PTPRD: variants seen among roughly 807,000 people sequenced by gnomAD.
The protein encoded by PTPRD is receptor-type tyrosine-protein phosphatase delta.
Under a neutral mutation model 214.5 loss-of-function variants are expected in PTPRD, and 34 were observed. That is an observed-to-expected ratio of 0.16 (90% CI 0.12 to 0.21). The LOEUF is 0.21. Ranked by LOEUF, PTPRD falls within the 10% of genes least tolerant of loss-of-function variation. The pLI is 1.00. For synonymous variants in PTPRD, 1,128 were observed against 845.7 expected, an observed-to-expected ratio of 1.33 and a Z score of -5.79; for missense variants, 2,545 against 2,398.7, an observed-to-expected ratio of 1.06 and a Z score of -1.27.
intron 11 of PTPRD, chr9:8,860,221 C>A (rs1417049922): frequency 6.6e-6 from 1 of 152,226 alleles, no homozygotes; most frequent in African/African-American, 2.4e-5. Context: ...GCAGATCTGA[C>A]CTCATTTAAG....
intron 2 of PTPRD, among the ~76,000 whole-genome samples, chr9:10,568,372 G>A (rs1174620646): frequency 6.6e-6 from 1 of 151,950 alleles, no homozygotes; most frequent in Non-Finnish European, 1.5e-5. Flanking sequence ...ATCATTGTTG[G>A]ACATTTGGGT....
chr9:9,820,493 T>C (rs1234457732), intron 5 of PTPRD, among the ~76,000 whole-genome samples: 2 of 152,132 alleles, frequency 1.3e-5, no homozygotes, highest in South Asian at 2.1e-4. Context: ...TTTAATTAGG[T>C]TCCACTTGTC....
At chr9:10,445,862 AC>A (rs905388375) in intron 2 of PTPRD, among the ~76,000 whole-genome samples, 4 of 152,128 alleles carry the variant, frequency 2.6e-5, no homozygotes, top group African/African-American at 9.7e-5. Flanking sequence ...GCTAAAAAAA[AC>A]TAACAACAAC....
intron 12 of PTPRD, among the ~76,000 whole-genome samples, chr9:8,684,246 C>A (rs1205803734): frequency 2.0e-5 from 3 of 152,176 alleles, no homozygotes; most frequent in Non-Finnish European, 4.4e-5. Context: ...AAACCCAATT[C>A]TCTGCAAAAT....
chr9:10,604,526 T>C (rs973201426), intron 2 of PTPRD, among the ~76,000 whole-genome samples: 10 of 151,912 alleles, frequency 6.6e-5, no homozygotes, highest in African/African-American at 2.4e-4. Flanking sequence ...AATAAAGCAC[T>C]AGACTTAATC....
At chr9:8,728,174 G>C (rs12005542) in intron 12 of PTPRD, among the ~76,000 whole-genome samples, 12,888 of 152,096 alleles carry the variant, frequency 0.085, 1,683 homozygotes, top group African/African-American at 0.28. Flanking sequence ...CGCTTGAACC[G>C]AGGAGGCGGA....
chr9:8,853,380 G>T (rs1428675605), intron 11 of PTPRD, among the ~76,000 whole-genome samples: 1 of 152,044 alleles, frequency 6.6e-6, no homozygotes, highest in African/African-American at 2.4e-5. Context: ...CTTTCTTAAG[G>T]GCTTAATTGT....
intron 2 of PTPRD, among the ~76,000 whole-genome samples, chr9:10,490,463 TA>T (rs1241145630): frequency 1.3e-5 from 2 of 152,188 alleles, no homozygotes; most frequent in Non-Finnish European, 2.9e-5. Context: ...GTAACCATTC[TA>T]TTACATGCCC....
intron 4 of PTPRD, among the ~76,000 whole-genome samples, chr9:9,956,539 A>ATT (rs1280616245): frequency 6.6e-6 from 1 of 152,160 alleles, no homozygotes; most frequent in African/African-American, 2.4e-5. Flanking sequence ...AATATTCAAA[A>ATT]TTAATACAGA....
intron 15 of PTPRD, 36 bp from the exon 16 acceptor site, chr9:8,527,389 T>G (rs551681565): frequency 1.3e-6 from 2 of 1,592,242 alleles, no homozygotes; most frequent in African/African-American, 2.7e-5. Flanking sequence ...AAAGACAGCA[T>G]AAAAATATTA....
chr9:10,168,609 TA>T (rs1433955919), intron 3 of PTPRD, among the ~76,000 whole-genome samples: 7 of 152,146 alleles, frequency 4.6e-5, no homozygotes, highest in African/African-American at 1.7e-4. Flanking sequence ...TTCCCATATT[TA>T]AAAAAGAAAG....
intron 37 of PTPRD, among the ~76,000 whole-genome samples, chr9:8,387,188 A>G (rs898898212): frequency 1.3e-5 from 2 of 152,184 alleles, no homozygotes; most frequent in African/African-American, 2.4e-5. Flanking sequence ...TAATGAAGGG[A>G]GCAAACAGAG....
chr9:10,411,512 A>T (rs2098435927), intron 2 of PTPRD, among the ~76,000 whole-genome samples: 1 of 151,786 alleles, frequency 6.6e-6, no homozygotes, highest in South Asian at 2.1e-4. Flanking sequence ...TGATATTCAG[A>T]AAGTGTTGGA....
At chr9:9,030,485 T>G (rs1279951260) in intron 10 of PTPRD, among the ~76,000 whole-genome samples, 1 of 151,664 alleles carries the variant, frequency 6.6e-6, no homozygotes, top group African/African-American at 2.4e-5. Context: ...TCTCCTAACT[T>G]GAAAGCTATG....
intron 2 of PTPRD, among the ~76,000 whole-genome samples, chr9:10,558,808 T>A (rs79497260): frequency 0.029 from 4,373 of 152,210 alleles, 213 homozygotes; most frequent in African/African-American, 0.099. Flanking sequence ...GTAAAAACAA[T>A]ATTCCCTAGT....
intron 2 of PTPRD, among the ~76,000 whole-genome samples, chr9:10,562,664 T>C (rs1334549620): frequency 6.6e-6 from 1 of 152,156 alleles, no homozygotes; most frequent in Non-Finnish European, 1.5e-5. Context: ...AAAACTGTAA[T>C]GTTAATTGTA....
At chr9:8,501,157 A>G (rs2097396937) in intron 23 of PTPRD, 98 bp from the exon 24 acceptor site, 1 of 858,200 alleles carries the variant, frequency 1.2e-6, no homozygotes, top group South Asian at 1.9e-5. Flanking sequence ...AAATAAATAA[A>G]CGAACAATAA....
chr9:9,980,273 C>A (rs1489123184), intron 4 of PTPRD, among the ~76,000 whole-genome samples: 1 of 151,688 alleles, frequency 6.6e-6, no homozygotes, highest in African/African-American at 2.4e-5. Context: ...CATATATATA[C>A]TTGTAATATA....
At chr9:8,767,744 A>C (rs1391326887) in intron 11 of PTPRD, among the ~76,000 whole-genome samples, 5 of 152,182 alleles carry the variant, frequency 3.3e-5, no homozygotes, top group African/African-American at 1.2e-4. Context: ...ACAATAATTA[A>C]GTCAGAATCT....
Sources: gnomAD v4.1 joint callset for allele counts (sites outside exome capture counted in the v4.1 genomes callset) on GRCh38, gnomAD v4.1.1 for gene constraint, MANE v1.5 for transcripts, NCBI Gene and HGNC (gene_info 2026-07-23, HGNC 2026-07-21) for gene names.